PACSIN1: variants seen among roughly 807,000 people sequenced by gnomAD.
PACSIN1 encodes protein kinase C and casein kinase substrate in neurons 1, also known as protein kinase C and casein kinase substrate in neurons protein 1.
Under a neutral mutation model 59.5 loss-of-function variants are expected in PACSIN1, and 15 were observed. The ratio of observed to expected loss-of-function variants is 0.25; its 90% CI spans 0.17 to 0.39. The LOEUF (loss-of-function observed/expected upper bound fraction) is 0.39, where lower values mean the gene tolerates loss of function less well. Ranked by LOEUF, PACSIN1 falls within the 10% of genes least tolerant of loss-of-function variation. PACSIN1 has a pLI of 1.00. For synonymous variants in PACSIN1, 210 were observed against 220.6 expected (o/e 0.95, Z 0.42); for missense variants, 420 against 580.2 (o/e 0.72, Z 2.84).
chr6:34,522,417 T>C (rs1368704912), intron 1 of PACSIN1, among the ~76,000 whole-genome samples: 3 of 152,218 alleles, frequency 2.0e-5, no homozygotes, highest in Non-Finnish European at 2.9e-5. Flanking sequence ...CACCTCTCTA[T>C]GTAATGATAG....
intron 1 of PACSIN1, 142 bp from the exon 2 acceptor site, chr6:34,526,101 G>T: frequency 1.8e-6 from 1 of 567,890 alleles, no homozygotes; most frequent in East Asian, 3.0e-5. Flanking sequence ...CCTAAGTCTG[G>T]TGAGTTAGTC....
At position 34,516,781 on chromosome 6, in the gene PACSIN1, A is replaced by G. The variant is rs1037644780; in HGVS notation, c.-63-9462A>G. ...TTCTGGGACACATTTCCCTGGCCCA[A>G]TTCATTGCACACAACGTGCCCACAG... is the stretch of plus-strand genomic sequence containing the variant. On this transcript the variant is annotated intron_variant, in intron 1 of 9. Coordinates refer to ENST00000244458, the MANE Select transcript of PACSIN1 (RefSeq NM_020804.5). The surrounding 1 kb of genome is among the most constrained non-coding windows in gnomAD (Gnocchi z 5.4). Among the ~76,000 whole-genome samples, 1 of 152,134 alleles carries G rather than the reference A, an allele frequency of 6.6e-6. No homozygotes were observed. The highest frequency in any genetic ancestry group is 1.5e-5 in the Non-Finnish European group (1 of 67,994).
chr6:34,489,598 C>T (rs981938309), intron 1 of PACSIN1, among the ~76,000 whole-genome samples: 10 of 152,272 alleles, frequency 6.6e-5, no homozygotes, highest in African/African-American at 2.4e-4. Context: ...TGTGGGGGTT[C>T]TGCAATGTGT....
Position 34,530,118 on chromosome 6 carries a change from T to G in PACSIN1, c.789-125T>G, listed in dbSNP as rs1368300099. ...GGAGCTTATTCTTGCAAAGCCCACA[T>G]GATTCCTGGCTGGGCAGCATGCCCA... On this transcript the variant is annotated intron_variant, in intron 6 of 9. Coordinates refer to ENST00000244458, the MANE Select transcript of PACSIN1 (RefSeq NM_020804.5). The surrounding 1 kb of genome is among the most constrained non-coding windows in gnomAD (Gnocchi z 4.4). The G allele has an allele frequency of 7.5e-7, 1 of 1,328,524 alleles. No individual in the cohort carries two copies. The allele number at this position is 1,328,524 out of a possible 1,614,324, so 82.3% of individuals were successfully genotyped here.
At chr6:34,498,311 C>G (rs1766976770) in intron 1 of PACSIN1, among the ~76,000 whole-genome samples, 1 of 152,186 alleles carries the variant, frequency 6.6e-6, no homozygotes, top group African/African-American at 2.4e-5. Flanking sequence ...CCACCCGCTT[C>G]AGCCTCCCAA....
At chr6:34,483,125 C>T (rs762150646) in intron 1 of PACSIN1, among the ~76,000 whole-genome samples, 1 of 152,010 alleles carries the variant, frequency 6.6e-6, no homozygotes, top group African/African-American at 2.4e-5. Context: ...CCACCTCAGC[C>T]TCCCAAGTAG....
chr6:34,504,104 C>T (rs1400145344), intron 1 of PACSIN1, among the ~76,000 whole-genome samples: 1 of 152,044 alleles, frequency 6.6e-6, no homozygotes, highest in African/African-American at 2.4e-5. Flanking sequence ...CATCCATTCA[C>T]AGCCTGCTGG....
chr6:34,478,423 A>C lies in PACSIN1; in HGVS notation c.-64+12153A>C, dbSNP rs528627564. 1.6e-4 allele frequency among the ~76,000 whole-genome samples: 20 copies of C among 122,770 alleles called. No individual in the cohort carries two copies. The South Asian group carries it at 4.9e-3, about 30-fold the overall frequency. 80.5% of individuals were successfully genotyped at this position (122,770 alleles called of 152,430 possible). On this transcript the variant is annotated intron_variant, in intron 1 of 9. Coordinates refer to ENST00000244458, the MANE Select transcript of PACSIN1 (RefSeq NM_020804.5). ...AGTCTCGCTCTGTCACCCAGGCTGGAGTGCAGTGGCACGATCTCGGCTCAC... is the reference window on the plus strand; with the variant it reads ...AGTCTCGCTCTGTCACCCAGGCTGGCGTGCAGTGGCACGATCTCGGCTCAC...
intron 1 of PACSIN1, among the ~76,000 whole-genome samples, chr6:34,467,721 G>A (rs966548918): frequency 7.1e-4 from 108 of 152,156 alleles, no homozygotes; most frequent in African/African-American, 2.3e-3. Flanking sequence ...ACCACACCCG[G>A]CTAATTTTAT....
In PACSIN1 at chr6:34,499,939, T is replaced by C. The variant is rs147012808; in HGVS notation, c.-63-26304T>C. On this transcript the variant is annotated intron_variant, in intron 1 of 9. Transcript: ENST00000244458. The stretch of plus-strand genomic sequence containing the variant: ...ACTTCATTAAAATTTAAAACTTTTG[T>C]ACATCAGAGGACACTATCAAAAGGG... Among the ~76,000 whole-genome samples the C allele has an allele frequency of 1.6e-3, 248 of 152,298 alleles. No homozygotes were observed. In the East Asian group the frequency reaches 0.023, roughly 14 times the overall value.
At chr6:34,508,349 C>A (rs1321914919) in intron 1 of PACSIN1, among the ~76,000 whole-genome samples, 2 of 152,200 alleles carry the variant, frequency 1.3e-5, no homozygotes, top group Non-Finnish European at 2.9e-5. Context: ...AGGTGACCCA[C>A]CCGCCTCAGC....
rs114100476 is a variant in PACSIN1 at position 34,481,015 on chromosome 6, G to A, written c.-64+14745G>A. Among the ~76,000 whole-genome samples, 757 of 150,326 alleles carry A rather than the reference G, an allele frequency of 5.0e-3. 6 individuals are homozygous for A. Among genetic ancestry groups the A allele is most frequent in the Middle Eastern group, 0.024 (7 of 290 alleles). Reference sequence around the variant, plus strand: ...CATTATTCTCAGTAATGCTCAAATTGTCTCATCTTTGGCCAGTGGGAACTT... The same window carrying A: ...CATTATTCTCAGTAATGCTCAAATTATCTCATCTTTGGCCAGTGGGAACTT... On this transcript the variant is annotated intron_variant, in intron 1 of 9. Transcript: ENST00000244458.
intron 1 of PACSIN1, among the ~76,000 whole-genome samples, chr6:34,477,091 C>A (rs1230866711): frequency 6.6e-6 from 1 of 152,226 alleles, no homozygotes; most frequent in Non-Finnish European, 1.5e-5. Flanking sequence ...CTGTTCCAAA[C>A]CTCAGCCCTG....
rs1010949519 is a variant in PACSIN1, at chr6:34,530,709, A to G, written c.1037+122A>G. On this transcript the variant is annotated intron_variant, in intron 8 of 9. Transcript: ENST00000244458. The surrounding 1 kb of genome is among the most constrained non-coding windows in gnomAD (Gnocchi z 4.4). ...AGCAACTATGTCTCCTCTCTAAAAG[A>G]TAGTGGTAGTTCATCACTCTAAAGC... The G allele has an allele frequency of 6.8e-5, 73 of 1,076,924 alleles. No homozygotes were observed. Among genetic ancestry groups the G allele is most frequent in the Non-Finnish European group, 8.4e-5 (68 of 806,674 alleles). 66.7% of individuals were successfully genotyped at this position (1,076,924 alleles called of 1,614,324 possible).
At chr6:34,500,438 G>A (rs1767006825) in intron 1 of PACSIN1, among the ~76,000 whole-genome samples, 2 of 152,214 alleles carry the variant, frequency 1.3e-5, no homozygotes, top group Admixed American at 1.3e-4. Flanking sequence ...ATTTTGAAAG[G>A]AATCTTTTTT....
In PACSIN1 at chr6:34,529,403, G is replaced by A. The variant is rs756494305; in HGVS notation, c.463G>A (p.Ala155Thr). ...TATTCCCCCCTCCCCACAGCTGGAGGCAGCCAAGAAGGCCTACCATTTGGC... is the reference window on the plus strand; with the variant it reads ...TATTCCCCCCTCCCCACAGCTGGAGACAGCCAAGAAGGCCTACCATTTGGC... ...PWAKKMKELE[A>T]AKKAYHLACK... The change falls in exon 5 of 10, where the codon GCA becomes ACA. Residue 155 changes from alanine (A) to threonine (T), a missense_variant. Physicochemically the swap from Ala to Thr is moderately conservative, Grantham distance 58. Transcript: ENST00000244458. The surrounding 1 kb of genome is among the most constrained non-coding windows in gnomAD (Gnocchi z 6.3). The A allele has an allele frequency of 1.2e-6, 2 of 1,614,008 alleles. No homozygotes were observed. Among genetic ancestry groups the A allele is most frequent in the East Asian group, 4.5e-5 (2 of 44,884 alleles).
intron 1 of PACSIN1, among the ~76,000 whole-genome samples, chr6:34,502,826 C>G (rs762854208): frequency 1.1e-4 from 16 of 152,142 alleles, no homozygotes; most frequent in African/African-American, 3.1e-4. Flanking sequence ...AAGAGCCACC[C>G]AGCTGAGCCC....
rs189700112 is a variant in PACSIN1 at position 34,502,668 on chromosome 6, G to A, written c.-63-23575G>A. ...TTTTTAGTAGAGACGGGGTTTCACC[G>A]TGTTAGCCAGGATGGTCTCGATCTC... On this transcript the variant is annotated intron_variant, in intron 1 of 9. Coordinates refer to ENST00000244458, the MANE Select transcript of PACSIN1 (RefSeq NM_020804.5). Among the ~76,000 whole-genome samples, 77 of 151,644 alleles carry A rather than the reference G, an allele frequency of 5.1e-4. No homozygotes were observed. The East Asian group carries it at 0.01, about 20-fold the overall frequency.
At chr6:34,491,779 T>C (rs1423529734) in intron 1 of PACSIN1, among the ~76,000 whole-genome samples, 2 of 151,976 alleles carry the variant, frequency 1.3e-5, no homozygotes, top group South Asian at 4.2e-4. Flanking sequence ...GCCCAGCTAA[T>C]TTTTGTATAT....
Sources: gnomAD v4.1 joint callset for allele counts (sites outside exome capture counted in the v4.1 genomes callset) on GRCh38, gnomAD v4.1.1 for gene constraint, Gnocchi (gnomAD v3.1) non-coding constraint, MANE v1.5 for transcripts, NCBI Gene and HGNC (gene_info 2026-07-23, HGNC 2026-07-21) for gene names.